The following CSPG4 variants were observed in gnomAD, a reference collection of about 807,000 sequenced individuals.
CSPG4 encodes the protein chondroitin sulfate proteoglycan 4 (melanoma-associated).
A neutral mutation model predicts 139.3 loss-of-function variants in CSPG4; 74 were observed. That is an observed-to-expected ratio of 0.53 (90% CI 0.44 to 0.64). The LOEUF is 0.64. CSPG4 is among the 30% of genes least tolerant of loss of function. CSPG4 has a pLI of 0.00. For synonymous variants in CSPG4, 1,234 were observed against 1,394.2 expected, an observed-to-expected ratio of 0.89 and a Z score of 2.56; for missense variants, 2,565 against 3,148.3, an observed-to-expected ratio of 0.81 and a Z score of 4.43.
chr15:75,694,776 T>C (rs1894205598), intron 1 of CSPG4, among the ~76,000 whole-genome samples: 1 of 152,230 alleles, frequency 6.6e-6, no homozygotes, highest in Admixed American at 6.5e-5. Context: ...CTGCAGACCA[T>C]CTGCGCGGGG....
rs960978084 is a variant in CSPG4, at chr15:75,677,388, G to C, written c.5135-4C>G. On this transcript the variant is annotated splice_region_variant and splice_polypyrimidine_tract_variant and intron_variant, in intron 9 of 9. Coordinates refer to ENST00000308508, the MANE Select transcript of CSPG4 (RefSeq NM_001897.5). The stretch of plus-strand genomic sequence containing the variant: ...TGGCCCTCGGGGACCCAGAGACCTG[G>C]GGGTGGGACATAGGCTATGAGGGTC... 7.1e-7 allele frequency: 1 copy of C among 1,398,678 alleles called. No homozygotes were observed. The allele number at this position is 1,398,678 out of a possible 1,614,324, so 86.6% of individuals were successfully genotyped here.
Position 75,677,339 on chromosome 15 carries a change from G to A in CSPG4, c.5180C>T (p.Ala1727Val), listed in dbSNP as rs528654541. ...GGCCAAGAGATTGGAGGCATCCAGA[G>A]CAGCCACGGTGATCCTGGCCCGCTG... ...EGQRARITVA[A>V]LDASNLLASV... The change falls in exon 10 of 10, where the codon GCT (alanine) becomes GTT (valine). Residue 1727 changes from alanine to valine, a missense_variant. By Grantham distance (64) the Ala-to-Val change is moderately conservative (BLOSUM62 0). This residue lies in a region of CSPG4 where 2,316 missense variants were observed against 2,818.2 expected (regional missense o/e 0.82). Transcript: ENST00000308508. 2.1e-6 allele frequency: 3 copies of A among 1,412,866 alleles called. No homozygotes were observed. Among genetic ancestry groups the A allele is most frequent in the Middle Eastern group, 1.9e-4 (1 of 5,392 alleles). The allele number at this position is 1,412,866 out of a possible 1,614,324, so 87.5% of individuals were successfully genotyped here.
In CSPG4 at chr15:75,690,372, G is replaced by A; in HGVS notation, c.693C>T (p.Thr231=). The change falls in exon 3 of 10, where the codon ACC becomes ACT. Residue 231 remains threonine, a synonymous_variant. Coordinates refer to ENST00000308508, the MANE Select transcript of CSPG4 (RefSeq NM_001897.5). ...QDEGTLEFTL[T]TQSRQAPLAF... ...CCAAGGGTGCCTGCCGGCTCTGTGT[G>A]GTGAGTGTAAACTCTAGGGTTCCTT... The A allele has an allele frequency of 6.2e-7, 1 of 1,611,516 alleles. No homozygotes were observed. The highest frequency in any genetic ancestry group is 8.5e-7 in the Non-Finnish European group (1 of 1,179,584).
intron 1 of CSPG4, 129 bp downstream of exon 1, chr15:75,712,539 G>C: frequency 1.2e-6 from 1 of 862,340 alleles, no homozygotes; most frequent in African/African-American, 1.7e-5. Flanking sequence ...CCAGCTAGTG[G>C]TGGGAGAAGC....
rs1893892526 is a variant in CSPG4 at position 75,676,393 on chromosome 15, A to G, written c.6126T>C (p.Thr2042=). 6.2e-7 allele frequency: 1 copy of G among 1,613,634 alleles called. No homozygotes were observed. Among genetic ancestry groups the G allele is most frequent in the African/African-American group, 1.3e-5 (1 of 75,070 alleles). Residue 2042 remains threonine, a synonymous_variant, in exon 10 of 10, where the codon ACT becomes ACC. Coordinates refer to ENST00000308508, the MANE Select transcript of CSPG4 (RefSeq NM_001897.5). ...GVNASAVVNV[T]VRALLHVWAG... is the part of the protein sequence containing the mutation. ...CCCACACATGCAGCAGAGCCCTCAC[A>G]GTGACGTTCACTACGGCTGATGCAT...
chr15:75,677,898 A>G lies in CSPG4; in HGVS notation c.4951-12T>C, dbSNP rs1166284299. On this transcript the variant is annotated splice_polypyrimidine_tract_variant and intron_variant, in intron 8 of 9. Coordinates refer to ENST00000308508, the MANE Select transcript of CSPG4 (RefSeq NM_001897.5). ...TTCCCAGCGTAGACCTAGGGGAGAC[A>G]CCATCGTGGGGTGAGAGGCAGGTCC... The G allele has an allele frequency of 6.3e-7, 1 of 1,590,692 alleles. No homozygotes were observed.
chr15:75,704,457 G>A (rs553704083), intron 1 of CSPG4, among the ~76,000 whole-genome samples: 36 of 152,308 alleles, frequency 2.4e-4, no homozygotes, highest in African/African-American at 7.5e-4. Context: ...AGAAGCACAC[G>A]GGCCCCAGAT....
Position 75,675,665 on chromosome 15 carries a change from G to C in CSPG4, c.6854C>G (p.Pro2285Arg). The C allele has an allele frequency of 1.9e-6, 3 of 1,539,710 alleles. No homozygotes were observed. Among genetic ancestry groups the C allele is most frequent in the Non-Finnish European group, 2.6e-6 (3 of 1,141,540 alleles). ...CCCCTGGCCAGGCACAGCTGTGAGC[G>C]GGATGGCCTGGCCTGGCTCCACCTT... is the stretch of plus-strand genomic sequence containing the variant. The part of the protein sequence containing the change: ...FRKVEPGQAI[P>R]LTAVPGQGPP... Residue 2285 changes from proline to arginine, a missense_variant, in exon 10 of 10, where the codon CCG becomes CGG. Transcript: ENST00000308508.
At chr15:75,701,362 C>G (rs573169538) in intron 1 of CSPG4, among the ~76,000 whole-genome samples, 2 of 152,220 alleles carry the variant, frequency 1.3e-5, no homozygotes, top group South Asian at 4.1e-4. Flanking sequence ...CAGAGCTGTC[C>G]CACCACAGCA....
In CSPG4 at chr15:75,687,128, A is replaced by G; in HGVS notation, c.3789+148T>C. 1.1e-6 allele frequency: 1 copy of G among 917,518 alleles called. No individual in the cohort carries two copies. The allele number at this position is 917,518 out of a possible 1,614,324, so 56.8% of individuals were successfully genotyped here. ...CCCCAGAAACTCCTGGGAGCACAAC[A>G]TATACGGGAGCACATCTGAGGCACG... On this transcript the variant is annotated intron_variant, in intron 3 of 9. Transcript: ENST00000308508. The surrounding 1 kb of genome is among the most constrained non-coding windows in gnomAD (Gnocchi z 5.4).
intron 8 of CSPG4, chr15:75,678,736 G>T (rs1271820761): frequency 2.2e-6 from 1 of 456,148 alleles, no homozygotes; most frequent in African/African-American, 2.0e-5. Context: ...ACTTCAAAAA[G>T]CATAGTCCAC....
chr15:75,690,336 T>A lies in CSPG4; in HGVS notation c.729A>T (p.Ala243=), dbSNP rs954150653. The change falls in exon 3 of 10, where the codon GCA becomes GCT. Residue 243 remains alanine, a synonymous_variant. Coordinates refer to ENST00000308508, the MANE Select transcript of CSPG4 (RefSeq NM_001897.5). ...AGATGAAGTCCCCACGCCGGCCCCC[T>A]GCCTGGAAGGCCAAGGGTGCCTGCC... ...QSRQAPLAFQ[A]GGRRGDFIYV... is the part of the protein sequence containing the mutation. 13 of 1,612,298 alleles carry A rather than the reference T, an allele frequency of 8.1e-6. No homozygotes were observed. The Admixed American group carries it at 1.0e-4, about 12-fold the overall frequency.
rs1330003994 is a variant in CSPG4 at position 75,685,356 on chromosome 15, G to A, written c.4135C>T (p.Leu1379=). Residue 1379 remains leucine (L), a synonymous_variant, in exon 4 of 10, where the codon CTG becomes TTG. Coordinates refer to ENST00000308508, the MANE Select transcript of CSPG4 (RefSeq NM_001897.5). ...AAGTAGGGCCCGGAGACACGGAGCA[G>A]TGGAGGGGCCAGGGTGAGGCTGCCA... The part of the protein sequence containing the change: ...EGGSLTLAPP[L]LRVSGPYFPT... 6.2e-7 allele frequency: 1 copy of A among 1,610,498 alleles called. No homozygotes were observed. The highest frequency in any genetic ancestry group is 1.3e-5 in the African/African-American group (1 of 75,024).
chr15:75,690,297 A>G lies in CSPG4; in HGVS notation c.768T>C (p.Phe256=). ...RRGDFIYVDI[F]EGHLRAVVEK... is the part of the protein sequence containing the mutation. ...CCACCACGGCCCGCAGGTGGCCCTC[A>G]AATATGTCCACATAGATGAAGTCCC... The change falls in exon 3 of 10, where the codon TTT becomes TTC. Residue 256 remains phenylalanine, a synonymous_variant. Coordinates refer to ENST00000308508, the MANE Select transcript of CSPG4 (RefSeq NM_001897.5). 6.2e-7 allele frequency: 1 copy of G among 1,613,088 alleles called. No individual in the cohort carries two copies. Among genetic ancestry groups the G allele is most frequent in the Middle Eastern group, 1.7e-4 (1 of 6,044 alleles).
intron 1 of CSPG4, among the ~76,000 whole-genome samples, chr15:75,700,588 G>T (rs1280780832): frequency 6.6e-6 from 1 of 152,186 alleles, no homozygotes; most frequent in African/African-American, 2.4e-5. Flanking sequence ...TGGAGAGACA[G>T]GGGTCTGGGT....
In CSPG4 at chr15:75,677,073, G is replaced by A. The variant is rs1046544389; in HGVS notation, c.5446C>T (p.Gln1816Ter). 10 of 1,418,366 alleles carry A rather than the reference G, an allele frequency of 7.1e-6. No individual in the cohort carries two copies. Among genetic ancestry groups the A allele is most frequent in the Non-Finnish European group, 7.4e-6 (8 of 1,080,870 alleles). 87.9% of individuals were successfully genotyped at this position (1,418,366 alleles called of 1,614,324 possible). Residue 1816 changes from glutamine (Q) to a stop codon, truncating the protein, a stop_gained, in exon 10 of 10, where the codon CAA (glutamine) becomes TAA (stop). Coordinates refer to ENST00000308508, the MANE Select transcript of CSPG4 (RefSeq NM_001897.5). LOFTEE classifies it low-confidence loss of function (END_TRUNC). ...GTGATGGCAAAGGCCTCTGAGGTTT[G>A]GGGTCCAGCCACGGAGGCCCCTGCT... ...GPAGASVAGP[Q>*]TSEAFAITVR...
Position 75,674,572 on chromosome 15 carries a change from G to C in CSPG4, c.*978C>G. 1 of 394,846 alleles carries C rather than the reference G, an allele frequency of 2.5e-6. No homozygotes were observed. The highest frequency in any genetic ancestry group is 4.5e-6 in the Non-Finnish European group (1 of 223,912). 24.5% of individuals were successfully genotyped at this position (394,846 alleles called of 1,614,324 possible). A position where few individuals can be genotyped will look rare whatever the true frequency, so the allele number is the denominator to read the frequency against. On this transcript the variant is annotated 3_prime_UTR_variant, in exon 10 of 10. Transcript: ENST00000308508. ...CCCAGGGGCCCTCTGTATGCAAGCC[G>C]ACGCAGACAAGGGCCCAGTGCATAG... is the stretch of plus-strand genomic sequence containing the variant.
intron 1 of CSPG4, among the ~76,000 whole-genome samples, chr15:75,706,993 T>TG (rs1248936129): frequency 8.6e-5 from 13 of 150,898 alleles, no homozygotes; most frequent in African/African-American, 2.2e-4. Flanking sequence ...TCACTGACTC[T>TG]GTCACCCAGG....
chr15:75,703,684 G>A lies in CSPG4; in HGVS notation c.88+8984C>T, dbSNP rs532874646. On this transcript the variant is annotated intron_variant, in intron 1 of 9. Coordinates refer to ENST00000308508, the MANE Select transcript of CSPG4 (RefSeq NM_001897.5). Reference sequence around the variant, plus strand: ...ACAGGTCTGGTCTCTGGCTTGTTATGGAGTGAGTTCCCTAGGCCTGGAGGG... The same window carrying A: ...ACAGGTCTGGTCTCTGGCTTGTTATAGAGTGAGTTCCCTAGGCCTGGAGGG... 1.8e-3 allele frequency among the ~76,000 whole-genome samples: 259 copies of A among 144,638 alleles called. 1 individual carries two copies. Among genetic ancestry groups the A allele is most frequent in the African/African-American group, 6.5e-3 (248 of 38,134 alleles). The allele number at this position is 144,638 out of a possible 152,430, so 94.9% of individuals were successfully genotyped here.
Sources: gnomAD v4.1 joint callset for allele counts (sites outside exome capture counted in the v4.1 genomes callset) on GRCh38, gnomAD v4.1.1 for gene constraint, gnomAD v4.1.1 regional missense constraint, Gnocchi (gnomAD v3.1) non-coding constraint, MANE v1.5 for transcripts, NCBI Gene and HGNC (gene_info 2026-07-23, HGNC 2026-07-21) for gene names.